Variants in ATP6V0A4 observed in about 807,000 individuals in gnomAD.
ATP6V0A4 encodes the protein ATPase H+ transporting V0 subunit a4, also known as V-type proton ATPase 116 kDa subunit a 4.
ATP6V0A4 carries 86 observed loss-of-function variants against 107.3 expected under a neutral mutation model. The ratio of observed to expected loss-of-function variants is 0.80; its 90% CI spans 0.67 to 0.96. ATP6V0A4 has a LOEUF of 0.96. Among genes scored for constraint, ATP6V0A4 ranks in the 40% least tolerant of loss-of-function variants. The probability of loss-of-function intolerance (pLI) is 0.00; values close to 1 mark genes in which losing one functional copy is unlikely to be tolerated. For missense variants in ATP6V0A4, 908 were observed against 1,045.6 expected (o/e 0.87, Z 1.81); for synonymous variants, 353 against 381.4 (o/e 0.93, Z 0.87).
chr7:138,706,889 ATTTTTTTTTTTTTT>A (rs11308035), intron 21 of ATP6V0A4, 172 bp from the exon 22 acceptor site: 1 of 207,152 alleles, frequency 4.8e-6, no homozygotes, highest in African/African-American at 4.3e-5. Context: ...AATCCTGAGG[ATTTTTTTTTTTTTT>A]TTTTTTTTGA....
chr7:138,739,468 TTTC>T (rs748851973), intron 15 of ATP6V0A4, 69 bp downstream of exon 15: 81 of 1,566,602 alleles, frequency 5.2e-5, no homozygotes, highest in Middle Eastern at 5.0e-4. Context: ...TTGTTGGCCT[TTTC>T]TTCTCTCTCC....
chr7:138,718,634 ACGG>A (rs1308394943), intron 19 of ATP6V0A4, among the ~76,000 whole-genome samples: 2 of 94,542 alleles, frequency 2.1e-5, no homozygotes, highest in Non-Finnish European at 4.0e-5. Flanking sequence ...AGGTGCCGCC[ACGG>A]ATGTCTGCGG....
Position 138,745,294 on chromosome 7 carries a change from G to T in ATP6V0A4, c.1321-14C>A. On this transcript the variant is annotated splice_polypyrimidine_tract_variant and intron_variant, in intron 13 of 21. Transcript: ENST00000310018. ...GGTGTTCCAAATCTGGCCTCAGAGA[G>T]ACAGAGAGGATGATTGTCAGTGGGC... 6.2e-7 allele frequency: 1 copy of T among 1,613,868 alleles called. No individual in the cohort carries two copies. Among genetic ancestry groups the T allele is most frequent in the Non-Finnish European group, 8.5e-7 (1 of 1,179,958 alleles).
chr7:138,759,381 C>G (rs1367144049), intron 8 of ATP6V0A4, among the ~76,000 whole-genome samples: 1 of 151,930 alleles, frequency 6.6e-6, no homozygotes, highest in African/African-American at 2.4e-5. Flanking sequence ...ACAAGATCCC[C>G]GGGTGACCTC....
At chr7:138,750,679 C>T (rs1307593958) in intron 11 of ATP6V0A4, among the ~76,000 whole-genome samples, 1 of 152,240 alleles carries the variant, frequency 6.6e-6, no homozygotes, top group African/African-American at 2.4e-5. Context: ...CACCTCCCTT[C>T]ACCTGCTCCC....
At chr7:138,742,351 C>CG (rs1213263563) in intron 14 of ATP6V0A4, among the ~76,000 whole-genome samples, 1 of 152,052 alleles carries the variant, frequency 6.6e-6, no homozygotes, top group Non-Finnish European at 1.5e-5. Flanking sequence ...CGCTAGAACC[C>CG]GGGAGGCAGA....
At position 138,706,572 on chromosome 7, in the gene ATP6V0A4, CTG is replaced by C. The variant is rs1340614203; in HGVS notation, c.*50_*51del. On this transcript the variant is annotated 3_prime_UTR_variant, in exon 22 of 22. Transcript: ENST00000310018. ...GCAGGGGCTGATATCAAAGACAAGA[CTG>C]AACTTCCTTCATTGGCATGGTGACC... 3.1e-6 allele frequency: 5 copies of C among 1,604,378 alleles called. No homozygotes were observed. Among genetic ancestry groups the C allele is most frequent in the Non-Finnish European group, 4.3e-6 (5 of 1,172,412 alleles).
chr7:138,796,534 G>T (rs1808671516), intron 1 of ATP6V0A4, among the ~76,000 whole-genome samples: 2 of 152,012 alleles, frequency 1.3e-5, no homozygotes, highest in African/African-American at 4.8e-5. Flanking sequence ...TCCACACATG[G>T]CAGGCTGTGT....
Position 138,769,261 on chromosome 7 carries a change from C to T in ATP6V0A4, c.118-10G>A, listed in dbSNP as rs191616896. 4.7e-4 allele frequency: 750 copies of T among 1,609,322 alleles called. 10 individuals are homozygous for T. In the South Asian group the frequency reaches 7.3e-3, roughly 16 times the overall value. ...TCACATTCATATTTAACTATGGGGG[C>T]GAAAATCACAAGATACATGTTAGTA... On this transcript the variant is annotated splice_polypyrimidine_tract_variant and intron_variant, in intron 3 of 21. Coordinates refer to ENST00000310018, the MANE Select transcript of ATP6V0A4 (RefSeq NM_020632.3).
chr7:138,735,263 G>A (rs925379465), intron 15 of ATP6V0A4, among the ~76,000 whole-genome samples: 1 of 152,152 alleles, frequency 6.6e-6, no homozygotes, highest in Admixed American at 6.6e-5. Flanking sequence ...CTCCCACTCT[G>A]TGGAAAGGAT....
At chr7:138,727,762 G>T (rs184912152) in intron 18 of ATP6V0A4, among the ~76,000 whole-genome samples, 76 of 152,310 alleles carry the variant, frequency 5.0e-4, no homozygotes, top group Non-Finnish European at 2.5e-4. Flanking sequence ...ATAGAGGAAA[G>T]CAGAGAACGA....
At chr7:138,753,045 T>G (rs1806313986) in intron 10 of ATP6V0A4, 1 of 426,474 alleles carries the variant, frequency 2.3e-6, no homozygotes, top group South Asian at 9.8e-5. Context: ...TGTATCTTCC[T>G]TTTCTTCTAA....
intron 17 of ATP6V0A4, among the ~76,000 whole-genome samples, chr7:138,730,916 T>TTCTTCTTCTTC (rs3080531): frequency 3.5e-5 from 5 of 141,046 alleles, no homozygotes; most frequent in African/African-American, 1.3e-4. Context: ...CAAGGCATTT[T>TTCTTCTTCTTC]TTCTTCTTCT....
At position 138,708,963 on chromosome 7, in the gene ATP6V0A4, C is replaced by G. The variant is rs147143628; in HGVS notation, c.2429+661G>C. Among the ~76,000 whole-genome samples, 29 of 152,214 alleles carry G rather than the reference C, an allele frequency of 1.9e-4. No individual in the cohort carries two copies. In the East Asian group the frequency reaches 5.4e-3, roughly 28 times the overall value. On this transcript the variant is annotated intron_variant, in intron 21 of 21. Coordinates refer to ENST00000310018, the MANE Select transcript of ATP6V0A4 (RefSeq NM_020632.3). ...ACGGTGCATGCCTGTAATCCCAGCA[C>G]TTCAGGAGGCTGAGGCGGGTGAATC...
intron 15 of ATP6V0A4, among the ~76,000 whole-genome samples, chr7:138,738,081 A>G (rs1211779134): frequency 6.6e-6 from 1 of 152,198 alleles, no homozygotes; most frequent in Admixed American, 6.5e-5. Flanking sequence ...TTTTCTTTAT[A>G]TAATATTTTG....
chr7:138,718,279 GGT>G (rs777538832), intron 19 of ATP6V0A4, among the ~76,000 whole-genome samples: 2,512 of 12,580 alleles, frequency 0.2, 202 homozygotes, highest in Non-Finnish European at 0.22. Context: ...AAGGAATGGC[GGT>G]GTGTGTGTGT....
In ATP6V0A4 at chr7:138,708,021, A is replaced by AT. The variant is rs756363780; in HGVS notation, c.2430-1305dup. ...TGTCGGATGATTTATGTTTTATTTTATTTATTTATTTATTTATTTATTTAT... is the reference window on the plus strand; with the variant it reads ...TGTCGGATGATTTATGTTTTATTTTATTTTATTTATTTATTTATTTATTTAT... On this transcript the variant is annotated intron_variant, in intron 21 of 21. Coordinates refer to ENST00000310018, the MANE Select transcript of ATP6V0A4 (RefSeq NM_020632.3). 5.9e-4 allele frequency among the ~76,000 whole-genome samples: 60 copies of AT among 101,112 alleles called. 1 individual carries two copies. The highest frequency in any genetic ancestry group is 1.1e-3 in the African/African-American group (19 of 17,090). 66.3% of individuals were successfully genotyped at this position (101,112 alleles called of 152,430 possible).
chr7:138,747,270 A>G (rs1455958586), intron 13 of ATP6V0A4, among the ~76,000 whole-genome samples, 155 bp downstream of exon 13: 3 of 152,196 alleles, frequency 2.0e-5, no homozygotes, highest in Non-Finnish European at 4.4e-5. Flanking sequence ...CAAAGGAATT[A>G]CCTTTGGCCA....
intron 1 of ATP6V0A4, among the ~76,000 whole-genome samples, chr7:138,790,694 A>G (rs950124094): frequency 2.0e-5 from 3 of 152,224 alleles, no homozygotes; most frequent in African/African-American, 7.2e-5. Flanking sequence ...AACTTTGGAT[A>G]TGCATTTTTG....
Sources: gnomAD v4.1 joint callset for allele counts (sites outside exome capture counted in the v4.1 genomes callset) on GRCh38, gnomAD v4.1.1 for gene constraint, MANE v1.5 for transcripts, NCBI Gene and HGNC (gene_info 2026-07-23, HGNC 2026-07-21) for gene names.